The following MYBPC3 variants were observed in gnomAD, a reference collection of about 807,000 sequenced individuals.
MYBPC3 encodes the protein myosin-binding protein C, cardiac-type.
Under a neutral mutation model 159.3 loss-of-function variants are expected in MYBPC3, and 108 were observed. The observed-to-expected ratio is 0.68, with a 90% CI of 0.58 to 0.80. MYBPC3 has a LOEUF of 0.80. Among genes scored for constraint, MYBPC3 ranks in the 30% least tolerant of loss-of-function variants. The pLI is 0.00. For synonymous variants in MYBPC3, 730 were observed against 702.0 expected, an observed-to-expected ratio of 1.04 and a Z score of -0.63; for missense variants, 1,631 against 1,762.1, an observed-to-expected ratio of 0.93 and a Z score of 1.33.
rs727503188 is a variant in MYBPC3 at position 47,337,544 on chromosome 11, G to C, written c.2449C>G (p.Arg817Gly). The part of the protein sequence containing the change: ...ILERKKKKSY[R>G]WMRLNFDLIQ... ...AGGTCGAAGTTCAGCCGCATCCACCGGTAGCTCTTCTTCTTCTTGCGCTCC... is the reference window on the plus strand; with the variant it reads ...AGGTCGAAGTTCAGCCGCATCCACCCGTAGCTCTTCTTCTTCTTGCGCTCC... Residue 817 changes from arginine (R) to glycine (G), a missense_variant, in exon 25 of 35, where the codon CGG (arginine) becomes GGG (glycine). Transcript: ENST00000545968. The C allele has an allele frequency of 6.2e-7, 1 of 1,613,960 alleles. No homozygotes were observed. Among genetic ancestry groups the C allele is most frequent in the East Asian group, 2.2e-5 (1 of 44,884 alleles).
At chr11:47,333,086 G>C in intron 30 of MYBPC3, 108 bp downstream of exon 30, 1 of 1,521,152 alleles carries the variant, frequency 6.6e-7, no homozygotes, top group Non-Finnish European at 8.9e-7. Flanking sequence ...ATTCAGATCA[G>C]CAGAGGGAGG....
chr11:47,335,482 C>T (rs1283555391), intron 26 of MYBPC3: 6 of 317,788 alleles, frequency 1.9e-5, no homozygotes, highest in Middle Eastern at 8.5e-4. Flanking sequence ...TGCCCACCAC[C>T]ACACCCGGCT....
rs185251397 is a variant in MYBPC3 at position 47,344,405 on chromosome 11, C to G, written c.1091-781G>C. Among the ~76,000 whole-genome samples the G allele has an allele frequency of 1.1e-4, 17 of 152,312 alleles. No individual in the cohort carries two copies. The East Asian group carries it at 2.9e-3, about 26-fold the overall frequency. Reference sequence around the variant, plus strand: ...GTGGGGGAAATAGGGCTCAGAGAGGCGACTGGCCCAATGCCACCAGCCCAG... The same window carrying G: ...GTGGGGGAAATAGGGCTCAGAGAGGGGACTGGCCCAATGCCACCAGCCCAG... On this transcript the variant is annotated intron_variant, in intron 12 of 34. Transcript: ENST00000545968.
intron 6 of MYBPC3, 74 bp from the exon 7 acceptor site, chr11:47,347,979 G>T: frequency 7.1e-7 from 1 of 1,400,868 alleles, no homozygotes. Context: ...CCCTGGGGGC[G>T]GCCTCTGAGT....
chr11:47,343,653 C>T (rs2095891511), intron 12 of MYBPC3, 29 bp from the exon 13 acceptor site: 2 of 1,572,998 alleles, frequency 1.3e-6, no homozygotes, highest in South Asian at 1.2e-5. Flanking sequence ...CCCCGGCCAC[C>T]CCACCGCCCG....
At chr11:47,335,474 C>CAT in intron 26 of MYBPC3, 1 of 323,086 alleles carries the variant, frequency 3.1e-6, no homozygotes, top group South Asian at 7.3e-5. Context: ...ATCACAGGTG[C>CAT]CCACCACCAC....
In MYBPC3 at chr11:47,331,757, A is replaced by T. The variant is rs558023598; in HGVS notation, c.*27-41T>A. 36 of 1,340,324 alleles carry T rather than the reference A, an allele frequency of 2.7e-5. No homozygotes were observed. In the Admixed American group the frequency reaches 7.3e-4, roughly 27 times the overall value. The allele number at this position is 1,340,324 out of a possible 1,614,324, so 83.0% of individuals were successfully genotyped here. A position where few individuals can be genotyped will look rare whatever the true frequency, so the allele number is the denominator to read the frequency against. The stretch of plus-strand genomic sequence containing the variant: ...TCTTACGAGTGAATGGAGGGCCCCT[A>T]CAGCCTCCCATTTACTGATGGCTGC... On this transcript the variant is annotated intron_variant, in intron 34 of 34. Coordinates refer to ENST00000545968, the MANE Select transcript of MYBPC3 (RefSeq NM_000256.3).
rs2095875035 is a variant in MYBPC3, at chr11:47,331,643, T to C, written c.*100A>G. On this transcript the variant is annotated 3_prime_UTR_variant, in exon 35 of 35. Transcript: ENST00000545968. ...GCACAGGAGACACACTTGTCACACA[T>C]ACATCCAACAGTAGGGAGGGGTTTC... 6.8e-6 allele frequency: 4 copies of C among 585,732 alleles called. No homozygotes were observed. Among genetic ancestry groups the C allele is most frequent in the Admixed American group, 3.0e-5 (1 of 33,102 alleles). 36.3% of individuals were successfully genotyped at this position (585,732 alleles called of 1,614,324 possible).
In MYBPC3 at chr11:47,342,138, TAC is replaced by T. The variant is rs398123279; in HGVS notation, c.1641_1642del (p.Tyr548ProfsTer19). The stretch of plus-strand genomic sequence containing the variant: ...CACCATCAGGTCTGCGATGCTCTGG[TAC>T]ACCTCCAGCTTCTTTTCTGCAGGGC... On this transcript the variant is annotated frameshift_variant, in exon 18 of 35. Transcript: ENST00000545968. LOFTEE classifies it high-confidence loss of function. The T allele has an allele frequency of 6.2e-7, 1 of 1,614,064 alleles. No individual in the cohort carries two copies. Among genetic ancestry groups the T allele is most frequent in the Non-Finnish European group, 8.5e-7 (1 of 1,179,898 alleles).
Position 47,352,634 on chromosome 11 carries a change from C to T in MYBPC3, c.14G>A (p.Gly5Glu). The change falls in exon 1 of 35, where the codon GGG becomes GAG. Residue 5 changes from glycine (G) to glutamate (E), a missense_variant. Transcript: ENST00000545968. ...AGTCCTAAAGCTACCTGGCTTCTTCCCCGGCTCAGGCATCCTGAGAGACGT... is the reference window on the plus strand; with the variant it reads ...AGTCCTAAAGCTACCTGGCTTCTTCTCCGGCTCAGGCATCCTGAGAGACGT... MPEP[G>E]KKPVSAFSKK... 6.3e-7 allele frequency: 1 copy of T among 1,597,232 alleles called. No homozygotes were observed. Among genetic ancestry groups the T allele is most frequent in the Non-Finnish European group, 8.5e-7 (1 of 1,172,150 alleles).
In MYBPC3 at chr11:47,332,280, G is replaced by A; in HGVS notation, c.3628-22C>T. 1.2e-6 allele frequency: 2 copies of A among 1,606,672 alleles called. No individual in the cohort carries two copies. The highest frequency in any genetic ancestry group is 1.2e-5 in the South Asian group (1 of 85,470). Reference sequence around the variant, plus strand: ...TGGGCTATAAATAAGGTAAAGAGAGGGAGGGAAGCCATCCAGGCTGAGAGG... The same window carrying A: ...TGGGCTATAAATAAGGTAAAGAGAGAGAGGGAAGCCATCCAGGCTGAGAGG... On this transcript the variant is annotated intron_variant, in intron 32 of 34. Coordinates refer to ENST00000545968, the MANE Select transcript of MYBPC3 (RefSeq NM_000256.3). This position sits in a 1 kb window ranked among gnomAD's most constrained non-coding sequence, Gnocchi z 4.2.
intron 23 of MYBPC3, 101 bp from the exon 24 acceptor site, chr11:47,337,895 C>T: frequency 1.2e-6 from 1 of 816,848 alleles, no homozygotes; most frequent in Non-Finnish European, 2.0e-6. Flanking sequence ...CACAGGCTGC[C>T]CCCACCACCC....
In MYBPC3 at chr11:47,333,723, G is replaced by T. The variant is rs1019544911; in HGVS notation, c.3024C>A (p.Thr1008=). ...CGCCTGCCAGGGGCTGCCCCTCTTT[G>T]GTCCAGGTCACCTGAGGCCGGGGCT... ...QGKPRPQVTW[T]KEGQPLAGEE... is the part of the protein sequence containing the mutation. Residue 1008 remains threonine (T), a synonymous_variant, in exon 29 of 35, where the codon ACC becomes ACA. Transcript: ENST00000545968. 5.0e-6 allele frequency: 8 copies of T among 1,606,754 alleles called. No individual in the cohort carries two copies. In the African/African-American group the frequency reaches 1.1e-4, roughly 21 times the overall value.
intron 17 of MYBPC3, 85 bp from the exon 18 acceptor site, chr11:47,342,241 C>A: frequency 6.7e-7 from 1 of 1,496,684 alleles, no homozygotes; most frequent in Non-Finnish European, 9.0e-7. Flanking sequence ...GGCCCATGGG[C>A]GCTGGTGCGC....
Position 47,331,860 on chromosome 11 carries a change from A to G in MYBPC3, c.*11T>C, listed in dbSNP as rs771053385. 1.2e-6 allele frequency: 2 copies of G among 1,609,004 alleles called. No individual in the cohort carries two copies. The highest frequency in any genetic ancestry group is 1.3e-5 in the African/African-American group (1 of 74,852). Reference sequence around the variant, plus strand: ...TGGTACATACCTGGCCATCCCCAGGAGCCAGCCTGGTCACTGAGGCACTGC... The same window carrying G: ...TGGTACATACCTGGCCATCCCCAGGGGCCAGCCTGGTCACTGAGGCACTGC... On this transcript the variant is annotated 3_prime_UTR_variant, in exon 34 of 35. Transcript: ENST00000545968.
In MYBPC3 at chr11:47,332,191, T is replaced by G. The variant is rs1422822453; in HGVS notation, c.3695A>C (p.Lys1232Thr). ...AATCTCCAGAGTCAACACTCCCTGCTTGCTGAACATGCGGAAGCGGGCGTC... is the reference window on the plus strand; with the variant it reads ...AATCTCCAGAGTCAACACTCCCTGCGTGCTGAACATGCGGAAGCGGGCGTC... ...GEDARFRMFS[K>T]QGVLTLEIRK... is the part of the protein sequence containing the mutation. The change falls in exon 33 of 35, where the codon AAG becomes ACG. Residue 1232 changes from lysine (K) to threonine (T), a missense_variant. Physicochemically the swap from Lys to Thr is moderately conservative, Grantham distance 78. Coordinates refer to ENST00000545968, the MANE Select transcript of MYBPC3 (RefSeq NM_000256.3). The surrounding 1 kb of genome is among the most constrained non-coding windows in gnomAD (Gnocchi z 4.2). 1 of 1,613,738 alleles carries G rather than the reference T, an allele frequency of 6.2e-7. No individual in the cohort carries two copies.
In MYBPC3 at chr11:47,335,973, C is replaced by T. The variant is rs727504360; in HGVS notation, c.2641G>A (p.Val881Ile). 21 of 1,552,456 alleles carry T rather than the reference C, an allele frequency of 1.4e-5. 2 individuals carry two copies. The Middle Eastern group carries it at 6.8e-4, about 50-fold the overall frequency. ...SEPTHLAVED[V>I]SDTTVSLKWR... Reference sequence around the variant, plus strand: ...TTGAGGGAGACCGTGGTGTCAGAGACGTCCTCTACTGCCAGGTGGGTGGGT... The same window carrying T: ...TTGAGGGAGACCGTGGTGTCAGAGATGTCCTCTACTGCCAGGTGGGTGGGT... Residue 881 changes from valine to isoleucine, a missense_variant, in exon 26 of 35, where the codon GTC (valine) becomes ATC (isoleucine). Coordinates refer to ENST00000545968, the MANE Select transcript of MYBPC3 (RefSeq NM_000256.3).
chr11:47,341,905 ATC>A (rs138186736), intron 18 of MYBPC3, 84 bp downstream of exon 18: 789 of 1,448,408 alleles, frequency 5.4e-4, no homozygotes, highest in South Asian at 6.2e-4. Context: ...ACCTGTCTTT[ATC>A]TCTCTCTCTC....
At position 47,342,242 on chromosome 11, in the gene MYBPC3, G is replaced by A. The variant is rs1010847618; in HGVS notation, c.1625-86C>T. 63 of 1,497,086 alleles carry A rather than the reference G, an allele frequency of 4.2e-5. No homozygotes were observed. In the Middle Eastern group the frequency reaches 5.3e-4, roughly 13 times the overall value. The allele number at this position is 1,497,086 out of a possible 1,614,324, so 92.7% of individuals were successfully genotyped here. A position where few individuals can be genotyped will look rare whatever the true frequency, so the allele number is the denominator to read the frequency against. ...GTGGAGGGCGTGTGGGCCCATGGGC[G>A]CTGGTGCGCACGTGTCTGGGTGCAT... On this transcript the variant is annotated intron_variant, in intron 17 of 34. Transcript: ENST00000545968.
Sources: gnomAD v4.1 joint callset for allele counts (sites outside exome capture counted in the v4.1 genomes callset) on GRCh38, gnomAD v4.1.1 for gene constraint, Gnocchi (gnomAD v3.1) non-coding constraint, MANE v1.5 for transcripts, NCBI Gene and HGNC (gene_info 2026-07-23, HGNC 2026-07-21) for gene names.